VSIG10L: variants seen among roughly 807,000 people sequenced by gnomAD.
The protein encoded by VSIG10L is V-set and immunoglobulin domain-containing protein 10-like.
Under a neutral mutation model 67.3 loss-of-function variants are expected in VSIG10L, and 63 were observed. The observed-to-expected ratio is 0.94, with a 90% confidence interval of 0.76 to 1.15. The LOEUF is 1.15. Ranked by LOEUF, VSIG10L falls within the 50% of genes most tolerant of loss-of-function variation. VSIG10L has a pLI of 0.00. For missense variants in VSIG10L, 1,050 were observed against 1,177.5 expected (o/e 0.89, Z 1.58); for synonymous variants, 499 against 524.9 (o/e 0.95, Z 0.67).
In VSIG10L at chr19:51,340,980, G is replaced by C; in HGVS notation, c.895+173C>G. 3.7e-6 allele frequency: 4 copies of C among 1,069,212 alleles called. No individual in the cohort carries two copies. Among genetic ancestry groups the C allele is most frequent in the Non-Finnish European group, 5.0e-6 (4 of 793,318 alleles). The allele number at this position is 1,069,212 out of a possible 1,614,324, so 66.2% of individuals were successfully genotyped here. A position where few individuals can be genotyped will look rare whatever the true frequency, so the allele number is the denominator to read the frequency against. On this transcript the variant is annotated intron_variant, in intron 2 of 9. Coordinates refer to ENST00000335624, the MANE Select transcript of VSIG10L (RefSeq NM_001163922.3). This position sits in a 1 kb window ranked among gnomAD's most constrained non-coding sequence, Gnocchi z 6.3. Reference sequence around the variant, plus strand: ...CAGGCTCCCAGGAGTCTCCATCCCAGGTCCACCTTTGCTCAGACACCCCTG... The same window carrying C: ...CAGGCTCCCAGGAGTCTCCATCCCACGTCCACCTTTGCTCAGACACCCCTG...
intron 7 of VSIG10L, among the ~76,000 whole-genome samples, chr19:51,334,979 A>G (rs1328129520): frequency 4.6e-5 from 7 of 152,132 alleles, no homozygotes; most frequent in South Asian, 2.1e-4. Context: ...AAAAGGAACA[A>G]TGGGAAGGGA....
At chr19:51,338,309 A>T in intron 5 of VSIG10L, 101 bp from the exon 6 acceptor site, 28 of 1,318,710 alleles carry the variant, frequency 2.1e-5, no homozygotes, top group Non-Finnish European at 2.8e-5. Flanking sequence ...GTAAGCCCCC[A>T]CGCTTTGGCC....
In VSIG10L at chr19:51,340,291, C is replaced by G; in HGVS notation, c.1198G>C (p.Asp400His). Residue 400 changes from aspartate to histidine, a missense_variant, in exon 4 of 10, where the codon GAC becomes CAC. Asp to His is a moderately conservative substitution (Grantham distance 81). Coordinates refer to ENST00000335624, the MANE Select transcript of VSIG10L (RefSeq NM_001163922.3). This position sits in a 1 kb window ranked among gnomAD's most constrained non-coding sequence, Gnocchi z 6.3. ...GAGGAGACCGTGATGGTCGGCGGGT[C>G]CGGGCCGTCTGGAGGGAGGAGGGGT... ...AADVSVFYGP[D>H]PPTITVSSDR... 1 of 1,518,484 alleles carries G rather than the reference C, an allele frequency of 6.6e-7. No individual in the cohort carries two copies. 94.1% of individuals were successfully genotyped at this position (1,518,484 alleles called of 1,614,324 possible). A position where few individuals can be genotyped will look rare whatever the true frequency, so the allele number is the denominator to read the frequency against.
chr19:51,339,963 C>T (rs1985582587), intron 4 of VSIG10L, 52 bp downstream of exon 4: 1 of 1,219,528 alleles, frequency 8.2e-7, no homozygotes, highest in Admixed American at 4.3e-5. Context: ...CGCCCTCGTT[C>T]TGGCCCCGCC....
Position 51,340,955 on chromosome 19 carries a change from C to T in VSIG10L, c.895+198G>A. The stretch of plus-strand genomic sequence containing the variant: ...TCCTCCTCCCTCAGACCTGGGAGTT[C>T]AGGCTCCCAGGAGTCTCCATCCCAG... On this transcript the variant is annotated intron_variant, in intron 2 of 9. Transcript: ENST00000335624. The surrounding 1 kb of genome is among the most constrained non-coding windows in gnomAD (Gnocchi z 6.3). 1 of 947,846 alleles carries T rather than the reference C, an allele frequency of 1.1e-6. No homozygotes were observed. The allele number at this position is 947,846 out of a possible 1,614,324, so 58.7% of individuals were successfully genotyped here.
In VSIG10L at chr19:51,338,318, C is replaced by T. The variant is rs920940372; in HGVS notation, c.1730-110G>A. On this transcript the variant is annotated intron_variant, in intron 5 of 9. Transcript: ENST00000335624. ...ATGGTGGTAAGCCCCCACGCTTTGG[C>T]CACCTGAGAAAGAACTGCCAATTTA... is the stretch of plus-strand genomic sequence containing the variant. The T allele has an allele frequency of 1.2e-5, 15 of 1,246,902 alleles. No individual in the cohort carries two copies. In the South Asian group the frequency reaches 2.7e-4, roughly 23 times the overall value. 77.2% of individuals were successfully genotyped at this position (1,246,902 alleles called of 1,614,324 possible).
rs1463594031 is a variant in VSIG10L, at chr19:51,337,274, G to A, written c.2269C>T (p.Pro757Ser). The A allele has an allele frequency of 6.4e-7, 1 of 1,550,770 alleles. No individual in the cohort carries two copies. The highest frequency in any genetic ancestry group is 2.4e-5 in the East Asian group (1 of 40,888). Residue 757 changes from proline (P) to serine (S), a missense_variant, in exon 7 of 10, where the codon CCA becomes TCA. Coordinates refer to ENST00000335624, the MANE Select transcript of VSIG10L (RefSeq NM_001163922.3). ...FRILPILGGQ[P>S]GTPSQSRVYR... The stretch of plus-strand genomic sequence containing the variant: ...ACCCGGCTTTGTGATGGAGTCCCTG[G>A]CTGGCCCCCCAGGATGGGCAGGATC...
Position 51,337,936 on chromosome 19 carries a change from G to C in VSIG10L, c.2002C>G (p.Leu668Val). 1 of 1,545,188 alleles carries C rather than the reference G, an allele frequency of 6.5e-7. No individual in the cohort carries two copies. The highest frequency in any genetic ancestry group is 8.7e-7 in the Non-Finnish European group (1 of 1,143,280). The change falls in exon 6 of 10, where the codon CTC becomes GTC. Residue 668 changes from leucine (L) to valine (V), a missense_variant. This residue lies in a region of VSIG10L where 529 missense variants were observed against 584.9 expected (regional missense o/e 0.90). Coordinates refer to ENST00000335624, the MANE Select transcript of VSIG10L (RefSeq NM_001163922.3). ...ALGAGGDQIT[L>V]IGPSISSWRL... is the part of the protein sequence containing the mutation. ...TTGAAATAACGTGGCTCACCAATGA[G>C]GGTGATCTGGTCACCGCCAGCACCC...
At position 51,341,810 on chromosome 19, in the gene VSIG10L, A is replaced by G; in HGVS notation, c.238T>C (p.Trp80Arg). ...KASAGISDSS[W>R]FPEALSSNMS... Reference sequence around the variant, plus strand: ...TTGGAACTCAGGGCCTCAGGAAACCAGCTGGAATCAGAGATTCCAGCAGAG... The same window carrying G: ...TTGGAACTCAGGGCCTCAGGAAACCGGCTGGAATCAGAGATTCCAGCAGAG... The change falls in exon 2 of 10, where the codon TGG (tryptophan) becomes CGG (arginine). Residue 80 changes from tryptophan (W) to arginine (R), a missense_variant. Trp to Arg is a moderately radical substitution (Grantham distance 101). Coordinates refer to ENST00000335624, the MANE Select transcript of VSIG10L (RefSeq NM_001163922.3). 6.4e-7 allele frequency: 1 copy of G among 1,551,314 alleles called. No individual in the cohort carries two copies. Among genetic ancestry groups the G allele is most frequent in the Non-Finnish European group, 8.7e-7 (1 of 1,146,886 alleles).
intron 8 of VSIG10L, 67 bp from the exon 9 acceptor site, chr19:51,334,012 T>C: frequency 3.2e-6 from 5 of 1,539,842 alleles, no homozygotes; most frequent in Non-Finnish European, 3.5e-6. Context: ...ACCCAGCCAA[T>C]AGCAAGGGAA....
chr19:51,338,865 A>G lies in VSIG10L; in HGVS notation c.1729+23T>C, dbSNP rs548428077. On this transcript the variant is annotated intron_variant, in intron 5 of 9. Transcript: ENST00000335624. ...GTCTCCCTCCTCCTCGAGAAACAGC[A>G]AAAAAGCCCCGCGCCCTCTCACCCG... 3.2e-5 allele frequency: 43 copies of G among 1,362,358 alleles called. No individual in the cohort carries two copies. In the South Asian group the frequency reaches 6.7e-4, roughly 21 times the overall value. 84.4% of individuals were successfully genotyped at this position (1,362,358 alleles called of 1,614,324 possible).
chr19:51,337,807 A>G, intron 6 of VSIG10L, 123 bp downstream of exon 6: 2 of 1,218,846 alleles, frequency 1.6e-6, no homozygotes, highest in Non-Finnish European at 2.2e-6. Flanking sequence ...CTGAGGGAGG[A>G]GAGGCTGGGG....
chr19:51,339,328 C>T (rs921262152), intron 4 of VSIG10L, among the ~76,000 whole-genome samples, 186 bp from the exon 5 acceptor site: 4 of 152,200 alleles, frequency 2.6e-5, no homozygotes, highest in Admixed American at 2.6e-4. Flanking sequence ...TAGCCCGCAG[C>T]CCTGCTGACT....
At position 51,333,889 on chromosome 19, in the gene VSIG10L, A is replaced by AG. The variant is rs1445130797; in HGVS notation, c.2475dup (p.Ser826LeufsTer7). On this transcript the variant is annotated frameshift_variant, in exon 9 of 10. Transcript: ENST00000335624. LOFTEE classifies it high-confidence loss of function. ...GTCACACTATGCATCTTCTTTTCTG[A>AG]GGGGGTGACCACGGGGACCAAGGTA... 33 of 1,551,498 alleles carry AG rather than the reference A, an allele frequency of 2.1e-5. No homozygotes were observed. The highest frequency in any genetic ancestry group is 2.7e-5 in the Non-Finnish European group (31 of 1,146,976).
At position 51,341,320 on chromosome 19, in the gene VSIG10L, G is replaced by A; in HGVS notation, c.728C>T (p.Pro243Leu). 6.5e-7 allele frequency: 1 copy of A among 1,543,846 alleles called. No individual in the cohort carries two copies. The highest frequency in any genetic ancestry group is 8.7e-7 in the Non-Finnish European group (1 of 1,146,756). The change falls in exon 2 of 10, where the codon CCT becomes CTT. Residue 243 changes from proline (P) to leucine (L), a missense_variant. By Grantham distance (98) the Pro-to-Leu change is moderately conservative (BLOSUM62 -3). Transcript: ENST00000335624. ...LAAGGLGPGA[P>L]LISLDPAHRD... ...GTGAGCAGGGTCCAGGCTGATCAGA[G>A]GTGCCCCTGGCCCCAGGCCCCCAGC...
intron 8 of VSIG10L, 105 bp from the exon 9 acceptor site, chr19:51,334,050 T>G: frequency 2.0e-6 from 3 of 1,500,364 alleles, no homozygotes; most frequent in Non-Finnish European, 2.7e-6. Context: ...AGCCTTATGC[T>G]GATTGGCTGA....
At position 51,339,121 on chromosome 19, in the gene VSIG10L, T is replaced by C; in HGVS notation, c.1496A>G (p.Gln499Arg). ...CCCGGGACCCCCTTCAACTGAGCAC[T>C]GTGGGGCCCCGGGGGGCAGGTCTGC... ...TVADLPPGAP[Q>R]CSVEGGPGDR... Residue 499 changes from glutamine to arginine, a missense_variant, in exon 5 of 10, where the codon CAG becomes CGG. Gln to Arg is a conservative substitution (Grantham distance 43). Around this residue, in one of 3 missense-constraint regions of VSIG10L, gnomAD observed 529 missense variants for 584.9 expected, o/e 0.90. Coordinates refer to ENST00000335624, the MANE Select transcript of VSIG10L (RefSeq NM_001163922.3). 7.6e-6 allele frequency: 10 copies of C among 1,318,936 alleles called. No homozygotes were observed. Among genetic ancestry groups the C allele is most frequent in the Non-Finnish European group, 9.7e-6 (10 of 1,026,196 alleles). The allele number at this position is 1,318,936 out of a possible 1,614,324, so 81.7% of individuals were successfully genotyped here.
At position 51,341,682 on chromosome 19, in the gene VSIG10L, A is replaced by G. The variant is rs1158758161; in HGVS notation, c.366T>C (p.Ile122=). The change falls in exon 2 of 10, where the codon ATT becomes ATC. Residue 122 remains isoleucine, a synonymous_variant. Transcript: ENST00000335624. ...CTTTGGCAGGAACTTGAGGATCCGA[A>G]ATATCAGGAAATACTTCAGAACCAG... ...ETPGSEVFPD[I]SDPQVPAKDP... is the part of the protein sequence containing the mutation. 8 of 1,551,510 alleles carry G rather than the reference A, an allele frequency of 5.2e-6. No homozygotes were observed. Among genetic ancestry groups the G allele is most frequent in the Non-Finnish European group, 7.0e-6 (8 of 1,146,988 alleles).
intron 8 of VSIG10L, 44 bp downstream of exon 8, chr19:51,334,147 T>G: frequency 6.5e-7 from 1 of 1,543,084 alleles, no homozygotes; most frequent in Non-Finnish European, 8.8e-7. Flanking sequence ...CTAGGGTCCC[T>G]CCCCGTTGGT....
Sources: allele counts gnomAD v4.1 joint callset (sites outside exome capture counted in the v4.1 genomes callset), GRCh38; gene constraint gnomAD v4.1.1; regional missense constraint gnomAD v4.1.1; non-coding constraint Gnocchi (gnomAD v3.1); transcripts MANE v1.5; gene names NCBI Gene and HGNC (gene_info 2026-07-23, HGNC 2026-07-21).